KCNIP4: variants seen among roughly 807,000 people sequenced by gnomAD.
KCNIP4 encodes potassium voltage-gated channel interacting protein 4, also known as Kv channel-interacting protein 4.
Under a neutral mutation model 34.0 loss-of-function variants are expected in KCNIP4, and 12 were observed. That is an observed-to-expected ratio of 0.35 (90% CI 0.23 to 0.57). KCNIP4 has a LOEUF of 0.57. KCNIP4 is among the 20% of genes least tolerant of loss of function. The pLI, the probability that KCNIP4 is intolerant of heterozygous loss-of-function variation, is 0.83. For synonymous variants in KCNIP4, 124 were observed against 102.2 expected (o/e 1.21, Z -1.29); for missense variants, 238 against 311.7 (o/e 0.76, Z 1.78).
chr4:21,935,864 T>C (rs1318845248), intron 1 of KCNIP4, among the ~76,000 whole-genome samples: 1 of 152,006 alleles, frequency 6.6e-6, no homozygotes. Context: ...CCTGGTGATA[T>C]AGGTTCTCTT....
chr4:20,969,481 G>C (rs896553860), intron 1 of KCNIP4, among the ~76,000 whole-genome samples: 4 of 151,900 alleles, frequency 2.6e-5, no homozygotes, highest in African/African-American at 9.7e-5. Flanking sequence ...CCAAACCCCC[G>C]GTTACTCCTC....
intron 1 of KCNIP4, among the ~76,000 whole-genome samples, chr4:21,337,805 A>G (rs549448465): frequency 2.1e-4 from 32 of 152,302 alleles, no homozygotes; most frequent in African/African-American, 7.0e-4. Context: ...GGAGTTTCCT[A>G]TTGTAAAGTG....
intron 1 of KCNIP4, among the ~76,000 whole-genome samples, chr4:21,376,661 G>A (rs1332399068): frequency 6.6e-6 from 1 of 152,136 alleles, no homozygotes; most frequent in African/African-American, 2.4e-5. Context: ...CCTGTATCAT[G>A]AAGTTTATTA....
intron 4 of KCNIP4, 50 bp downstream of exon 4, chr4:20,758,771 G>T: frequency 1.4e-6 from 2 of 1,411,464 alleles, no homozygotes; most frequent in Non-Finnish European, 2.0e-6. Context: ...AACACTGCAA[G>T]CATAATTGTA....
At chr4:21,107,567 T>C (rs1225836551) in intron 1 of KCNIP4, among the ~76,000 whole-genome samples, 1 of 148,418 alleles carries the variant, frequency 6.7e-6, no homozygotes, top group Non-Finnish European at 1.5e-5. Context: ...TGCCAGTCTA[T>C]GTCTTTTAAT....
chr4:21,380,982 C>T (rs1309138545), intron 1 of KCNIP4, among the ~76,000 whole-genome samples: 2 of 152,174 alleles, frequency 1.3e-5, no homozygotes, highest in Non-Finnish European at 2.9e-5. Flanking sequence ...CCCCAGTGTG[C>T]TTGCCTCTTT....
At chr4:21,504,475 A>AAAAAAAAAAAAAGAAAGAAAGAAAGAAAG (rs1264431211) in intron 1 of KCNIP4, among the ~76,000 whole-genome samples, 1 of 101,852 alleles carries the variant, frequency 9.8e-6, no homozygotes. Flanking sequence ...CAAAAAAAAA[A>AAAAAAAAAAAAAGAAAGAAAGAAAGAAAG]AAAGAAAGAA....
intron 1 of KCNIP4, among the ~76,000 whole-genome samples, chr4:21,569,234 TAAAAAAAAAAAAAAAAAA>T (rs71191521): frequency 4.0e-5 from 1 of 25,176 alleles, no homozygotes; most frequent in African/African-American, 1.4e-4. Context: ...ACTGATATTC[TAAAAAAAAAAAAAAAAAA>T]AAAAAAAAAA....
chr4:21,175,412 T>C (rs1754333393), intron 1 of KCNIP4, among the ~76,000 whole-genome samples: 1 of 152,170 alleles, frequency 6.6e-6, no homozygotes. Flanking sequence ...TTCTGACCCC[T>C]ATGTCTATTA....
intron 1 of KCNIP4, among the ~76,000 whole-genome samples, chr4:21,471,738 C>T (rs1730484418): frequency 6.6e-6 from 1 of 152,118 alleles, no homozygotes; most frequent in South Asian, 2.1e-4. Flanking sequence ...ACTGAGTCTT[C>T]TCTGGCTACC....
chr4:21,495,284 A>C (rs1732763839), intron 1 of KCNIP4, among the ~76,000 whole-genome samples: 1 of 151,800 alleles, frequency 6.6e-6, no homozygotes, highest in African/African-American at 2.4e-5. Flanking sequence ...GTTTGACAAA[A>C]CTCCACAGTG....
intron 1 of KCNIP4, among the ~76,000 whole-genome samples, chr4:21,124,782 C>T (rs1327018175): frequency 6.6e-6 from 1 of 152,042 alleles, no homozygotes; most frequent in Non-Finnish European, 1.5e-5. Flanking sequence ...AGATACCTGA[C>T]CCCAGAATGG....
intron 1 of KCNIP4, among the ~76,000 whole-genome samples, chr4:21,358,803 C>T (rs1223569621): frequency 6.6e-6 from 1 of 152,100 alleles, no homozygotes; most frequent in Non-Finnish European, 1.5e-5. Context: ...TTTGGAAAGG[C>T]TCATCAGAAA....
At position 21,327,435 on chromosome 4, in the gene KCNIP4, A is replaced by G. The variant is rs1253167635; in HGVS notation, c.62-444726T>C. Among the ~76,000 whole-genome samples, 9 of 152,124 alleles carry G rather than the reference A, an allele frequency of 5.9e-5. No homozygotes were observed. The East Asian group carries it at 1.7e-3, about 29-fold the overall frequency. The stretch of plus-strand genomic sequence containing the variant: ...GCCATACATATTGGAGACCTATTGT[A>G]TGTTATTTGTTTCTGTTTTCTTGCT... On this transcript the variant is annotated intron_variant, in intron 1 of 8. Transcript: ENST00000382152.
intron 1 of KCNIP4, among the ~76,000 whole-genome samples, chr4:21,464,182 T>G (rs137964815): frequency 6.6e-6 from 1 of 151,978 alleles, no homozygotes; most frequent in African/African-American, 2.4e-5. Flanking sequence ...TGATTTTTTG[T>G]TTTTCTATTT....
chr4:21,132,158 T>A (rs1027067795), intron 1 of KCNIP4, among the ~76,000 whole-genome samples: 2 of 152,230 alleles, frequency 1.3e-5, no homozygotes, highest in Admixed American at 1.3e-4. Flanking sequence ...GAATCTTCCA[T>A]GCAAAATGTT....
intron 1 of KCNIP4, among the ~76,000 whole-genome samples, chr4:21,925,258 G>A (rs1007691580): frequency 9.7e-5 from 13 of 133,694 alleles, no homozygotes; most frequent in Non-Finnish European, 1.8e-4. Context: ...AACAGTCCCT[G>A]GTGTGTGATG....
At chr4:20,828,827 A>C (rs538463312) in intron 3 of KCNIP4, among the ~76,000 whole-genome samples, 2 of 152,344 alleles carry the variant, frequency 1.3e-5, no homozygotes, top group East Asian at 3.9e-4. Flanking sequence ...TGCTGGATGC[A>C]AGGACTAAAG....
rs145291432 is a variant in KCNIP4, at chr4:21,836,234, A to G, written c.61+112337T>C. Among the ~76,000 whole-genome samples the G allele has an allele frequency of 4.9e-4, 74 of 152,306 alleles. 1 individual carries two copies. The highest frequency in any genetic ancestry group is 1.7e-3 in the African/African-American group (69 of 41,566). Reference sequence around the variant, plus strand: ...CATAACAAAATTTTTTTAAATTACAAAGAGAAATAAACAAGAAGGACTCAG... The same window carrying G: ...CATAACAAAATTTTTTTAAATTACAGAGAGAAATAAACAAGAAGGACTCAG... On this transcript the variant is annotated intron_variant, in intron 1 of 8. Coordinates refer to ENST00000382152, the MANE Select transcript of KCNIP4 (RefSeq NM_025221.6).
Sources: gnomAD v4.1 joint callset for allele counts (sites outside exome capture counted in the v4.1 genomes callset) on GRCh38, gnomAD v4.1.1 for gene constraint, MANE v1.5 for transcripts, NCBI Gene and HGNC (gene_info 2026-07-23, HGNC 2026-07-21) for gene names.